The following IL2RB variants were observed in gnomAD, a reference collection of about 807,000 sequenced individuals.
IL2RB encodes interleukin 2 receptor subunit beta, also known as interleukin-2 receptor subunit beta.
Under a neutral mutation model 44.2 loss-of-function variants are expected in IL2RB, and 17 were observed. The observed-to-expected ratio is 0.38, with a 90% CI of 0.26 to 0.58. The LOEUF (loss-of-function observed/expected upper bound fraction) is 0.58, where lower values mean the gene tolerates loss of function less well. Ranked by LOEUF, IL2RB falls within the 20% of genes least tolerant of loss-of-function variation. The pLI, the probability that IL2RB is intolerant of heterozygous loss-of-function variation, is 0.63. For missense variants in IL2RB, 624 were observed against 685.5 expected (o/e 0.91, Z 1.00); for synonymous variants, 286 against 297.9 (o/e 0.96, Z 0.41).
intron 9 of IL2RB, among the ~76,000 whole-genome samples, chr22:37,129,611 C>T (rs932307600): frequency 6.6e-6 from 1 of 152,210 alleles, no homozygotes; most frequent in Non-Finnish European, 1.5e-5. Context: ...CCTGGGAGGG[C>T]CCCTGCACCT....
intron 9 of IL2RB, among the ~76,000 whole-genome samples, chr22:37,129,639 C>T (rs996069316): frequency 6.6e-6 from 1 of 152,186 alleles, no homozygotes; most frequent in Non-Finnish European, 1.5e-5. Flanking sequence ...CCTCAGTTTC[C>T]ACAACAGCCA....
At chr22:37,131,417 C>T (rs1329215278) in intron 9 of IL2RB, among the ~76,000 whole-genome samples, 1 of 152,148 alleles carries the variant, frequency 6.6e-6, no homozygotes, top group Non-Finnish European at 1.5e-5. Context: ...TAAAAAGTAC[C>T]CCCCATGTCC....
At position 37,146,240 on chromosome 22, in the gene IL2RB, C is replaced by T. The variant is rs984406497; in HGVS notation, c.-33-2035G>A. Among the ~76,000 whole-genome samples, 13 of 152,220 alleles carry T rather than the reference C, an allele frequency of 8.5e-5. 1 individual carries two copies. The highest frequency in any genetic ancestry group is 8.5e-4 in the Admixed American group (13 of 15,286). On this transcript the variant is annotated intron_variant, in intron 1 of 9. Transcript: ENST00000216223. ...AGCCCAGACAACGGCACCACCCCAT[C>T]TGCAGGCTCTCACCTGCCTTCCCTG...
At chr22:37,147,150 G>C (rs371744497) in intron 1 of IL2RB, among the ~76,000 whole-genome samples, 6 of 152,100 alleles carry the variant, frequency 3.9e-5, no homozygotes, top group Non-Finnish European at 4.4e-5. Flanking sequence ...CAAAACCATC[G>C]GCTGACAGGT....
At chr22:37,161,056 G>A (rs9622556) in intron 1 of IL2RB, among the ~76,000 whole-genome samples, 3,514 of 152,328 alleles carry the variant, frequency 0.023, 61 homozygotes, top group Middle Eastern at 0.048. Flanking sequence ...CAGGAGAACT[G>A]CTTGAACCCC....
intron 1 of IL2RB, among the ~76,000 whole-genome samples, chr22:37,149,135 T>A (rs1373997362): frequency 2.0e-5 from 3 of 152,104 alleles, no homozygotes; most frequent in Non-Finnish European, 4.4e-5. Flanking sequence ...AGTGGGAGGC[T>A]TCGGCCCCCA....
At chr22:37,133,495 CCCCTGACT>C (rs1921531437) in intron 8 of IL2RB, among the ~76,000 whole-genome samples, 1 of 152,200 alleles carries the variant, frequency 6.6e-6, no homozygotes, top group Non-Finnish European at 1.5e-5. Context: ...GCAATGGTAG[CCCCTGACT>C]CACTGCCTTC....
rs150659506 is a variant in IL2RB at position 37,143,529 on chromosome 22, C to T, written c.195G>A (p.Pro65=). The T allele has an allele frequency of 5.0e-6, 8 of 1,608,974 alleles. No individual in the cohort carries two copies. The East Asian group carries it at 6.7e-5, about 13-fold the overall frequency. ...GTGGCCAGTGGACTCACCGTCTGTCCGGCCAGGCATGGACTTGGCAGGAAG... is the reference window on the plus strand; with the variant it reads ...GTGGCCAGTGGACTCACCGTCTGTCTGGCCAGGCATGGACTTGGCAGGAAG... ...QDTSCQVHAW[P]DRRRWNQTCE... The change falls in exon 3 of 10, where the codon CCG becomes CCA. Residue 65 remains proline (P), a synonymous_variant. Coordinates refer to ENST00000216223, the MANE Select transcript of IL2RB (RefSeq NM_000878.5).
At chr22:37,175,037 C>G (rs550174042) in exon 1 of IL2RB, 119 of 152,428 alleles carry the variant, frequency 7.8e-4, no homozygotes, top group African/African-American at 2.7e-3. Flanking sequence ...CCTTCACATG[C>G]TGGCAGGAGA....
intron 1 of IL2RB, among the ~76,000 whole-genome samples, chr22:37,159,881 C>T (rs1399261547): frequency 6.6e-6 from 1 of 152,214 alleles, no homozygotes; most frequent in African/African-American, 2.4e-5. Context: ...TCCCATGGTC[C>T]CTGCATCTGC....
chr22:37,142,287 C>T, intron 4 of IL2RB, 147 bp downstream of exon 4: 2 of 728,464 alleles, frequency 2.7e-6, no homozygotes, highest in East Asian at 5.3e-5. Context: ...TTCTCTGCCT[C>T]TTGCTCAGCG....
chr22:37,136,242 C>G lies in IL2RB; in HGVS notation c.689G>C (p.Arg230Thr). 1.2e-6 allele frequency: 2 copies of G among 1,611,022 alleles called. No individual in the cohort carries two copies. The highest frequency in any genetic ancestry group is 1.7e-6 in the Non-Finnish European group (2 of 1,179,330). Reference sequence around the variant, plus strand: ...CCCACCAGTACCTGCAGGCTTTGTCCTGAAGGCCAGGGGCTGGCTCCAGGG... The same window carrying G: ...CCCACCAGTACCTGCAGGCTTTGTCGTGAAGGCCAGGGGCTGGCTCCAGGG... ...WSPWSQPLAF[R>T]TKPAALGKDT... is the part of the protein sequence containing the mutation. Residue 230 changes from arginine (R) to threonine (T), a missense_variant, in exon 7 of 10, where the codon AGG (arginine) becomes ACG (threonine). This residue lies in a region of IL2RB where 255 missense variants were observed against 339.9 expected (regional missense o/e 0.75). Transcript: ENST00000216223.
Position 37,171,021 on chromosome 22 carries a change from T to C in IL2RB, c.-34+3937A>G, listed in dbSNP as rs567991847. 1.3e-4 allele frequency among the ~76,000 whole-genome samples: 20 copies of C among 152,096 alleles called. 1 individual carries two copies. In the East Asian group the frequency reaches 3.9e-3, roughly 29 times the overall value. ...GGGAGGGGGACAGAGGCTCGCTCTG[T>C]TGCCCAGGCTGGAGTGCAGTGGCAC... On this transcript the variant is annotated intron_variant, in intron 1 of 5. Coordinates refer to the IL2RB transcript ENST00000429622.
At chr22:37,134,610 A>C (rs1414881510) in intron 8 of IL2RB, among the ~76,000 whole-genome samples, 2 of 152,220 alleles carry the variant, frequency 1.3e-5, no homozygotes, top group Admixed American at 1.3e-4. Flanking sequence ...TATCTCACAA[A>C]AAATAAATAA....
Position 37,138,598 on chromosome 22 carries a change from A to C in IL2RB, c.388+519T>G, listed in dbSNP as rs1465599543. Among the ~76,000 whole-genome samples, 3 of 152,246 alleles carry C rather than the reference A, an allele frequency of 2.0e-5. No homozygotes were observed. The East Asian group carries it at 5.8e-4, about 29-fold the overall frequency. On this transcript the variant is annotated intron_variant, in intron 5 of 9. Transcript: ENST00000216223. ...CGTGGCAAGGAGACACAGGGGTGGC[A>C]GAGACTCTGCCTTCAGGGTGCTCAC... is the stretch of plus-strand genomic sequence containing the variant.
At chr22:37,134,592 T>G (rs756556640) in intron 8 of IL2RB, among the ~76,000 whole-genome samples, 2 of 151,768 alleles carry the variant, frequency 1.3e-5, no homozygotes, top group Non-Finnish European at 2.9e-5. Flanking sequence ...GGTGACAGAG[T>G]GAGACTCTAT....
chr22:37,160,679 C>CAAAAAAAAAAAAAAAAAAAAAAAA (rs10605445), intron 1 of IL2RB, among the ~76,000 whole-genome samples: 7 of 136,034 alleles, frequency 5.1e-5, no homozygotes, highest in African/African-American at 1.5e-4. Context: ...CTGTCTATGC[C>CAAAAAAAAAAAAAAAAAAAAAAAA]AAAAAAAAAA....
intron 1 of IL2RB, among the ~76,000 whole-genome samples, chr22:37,173,069 G>A (rs560841445): frequency 3.9e-5 from 6 of 152,158 alleles, no homozygotes; most frequent in East Asian, 3.9e-4. Context: ...GGCTCCTTCC[G>A]GCCTCTGGGT....
intron 1 of IL2RB, among the ~76,000 whole-genome samples, chr22:37,147,397 C>A (rs1922276780): frequency 6.6e-6 from 1 of 152,178 alleles, no homozygotes; most frequent in Non-Finnish European, 1.5e-5. Context: ...ATCTTCCCAC[C>A]ACGACAGCTC....
Sources: gnomAD v4.1 joint callset for allele counts (sites outside exome capture counted in the v4.1 genomes callset) on GRCh38, gnomAD v4.1.1 for gene constraint, gnomAD v4.1.1 regional missense constraint, MANE v1.5 for transcripts, NCBI Gene and HGNC (gene_info 2026-07-23, HGNC 2026-07-21) for gene names.